The following ADARB2 variants were observed in gnomAD, a reference collection of about 807,000 sequenced individuals.
ADARB2 encodes the protein inactive double-stranded RNA-specific editase B2.
ADARB2 carries 25 observed loss-of-function variants against 62.2 expected under a neutral mutation model. The observed-to-expected ratio is 0.40, with a 90% CI of 0.29 to 0.56. ADARB2 has a LOEUF of 0.56. ADARB2 is among the 20% of genes least tolerant of loss of function. ADARB2 has a pLI of 0.43. For missense variants in ADARB2, 1,071 were observed against 1,077.4 expected, an observed-to-expected ratio of 0.99 and a Z score of 0.08; for synonymous variants, 572 against 500.8, an observed-to-expected ratio of 1.14 and a Z score of -1.90.
chr10:1,712,697 C>T (rs1195476454), intron 1 of ADARB2, among the ~76,000 whole-genome samples: 4 of 143,198 alleles, frequency 2.8e-5, no homozygotes, highest in African/African-American at 1.1e-4. Flanking sequence ...CAAGCTCTGC[C>T]TCCCGGGTTC....
chr10:1,658,631 G>A (rs904390903), intron 1 of ADARB2, among the ~76,000 whole-genome samples: 1 of 152,238 alleles, frequency 6.6e-6, no homozygotes, highest in African/African-American at 2.4e-5. Context: ...CAGCCATACA[G>A]GACAAGCCTC....
chr10:1,213,487 C>A (rs1413706481), intron 7 of ADARB2, among the ~76,000 whole-genome samples: 1 of 152,168 alleles, frequency 6.6e-6, no homozygotes, highest in Non-Finnish European at 1.5e-5. Context: ...TTGCCTGTGC[C>A]CCCACACCTG....
intron 1 of ADARB2, among the ~76,000 whole-genome samples, chr10:1,384,284 G>A (rs1464095817): frequency 1.3e-5 from 2 of 152,222 alleles, no homozygotes; most frequent in Non-Finnish European, 2.9e-5. Flanking sequence ...TTAGCAGAGT[G>A]GGGCACAGTG....
chr10:1,306,200 CT>C, intron 3 of ADARB2, among the ~76,000 whole-genome samples: 1 of 151,608 alleles, frequency 6.6e-6, no homozygotes, highest in East Asian at 2.0e-4. Context: ...TGATAAGCAA[CT>C]TCAGCAAAGT....
chr10:1,274,458 CTTTG>C (rs549823864), intron 3 of ADARB2, among the ~76,000 whole-genome samples: 1 of 151,976 alleles, frequency 6.6e-6, no homozygotes, highest in Non-Finnish European at 1.5e-5. Flanking sequence ...GTGTGTAGCT[CTTTG>C]TTTTTTTTTT....
intron 1 of ADARB2, among the ~76,000 whole-genome samples, chr10:1,557,853 G>GGTGAGCTGAGGTTGCA (rs1832727062): frequency 6.6e-6 from 1 of 151,984 alleles, no homozygotes; most frequent in Admixed American, 6.6e-5. Context: ...CGGAGGTTGC[G>GGTGAGCTGAGGTTGCA]GTGAGCTGAG....
At chr10:1,639,456 C>T (rs1833952438) in intron 1 of ADARB2, among the ~76,000 whole-genome samples, 1 of 152,176 alleles carries the variant, frequency 6.6e-6, no homozygotes, top group African/African-American at 2.4e-5. Context: ...CCTGGCTGGC[C>T]CACAGTACCA....
At chr10:1,481,300 A>C (rs567262801) in intron 1 of ADARB2, among the ~76,000 whole-genome samples, 1 of 152,332 alleles carries the variant, frequency 6.6e-6, no homozygotes, top group South Asian at 2.1e-4. Flanking sequence ...GCAAAAACAA[A>C]CTCAAAATTG....
chr10:1,418,131 T>A (rs1832820729), intron 1 of ADARB2, among the ~76,000 whole-genome samples: 1 of 152,184 alleles, frequency 6.6e-6, no homozygotes, highest in Non-Finnish European at 1.5e-5. Context: ...GACGTTTCCG[T>A]AAACCAAAGG....
At chr10:1,531,345 G>A (rs112430917) in intron 1 of ADARB2, among the ~76,000 whole-genome samples, 25 of 152,300 alleles carry the variant, frequency 1.6e-4, no homozygotes, top group African/African-American at 3.6e-4. Flanking sequence ...GCAGCCCTTC[G>A]CGAGAGGCAT....
At chr10:1,210,062 G>A (rs1837128865) in intron 7 of ADARB2, among the ~76,000 whole-genome samples, 1 of 152,140 alleles carries the variant, frequency 6.6e-6, no homozygotes, top group Non-Finnish European at 1.5e-5. Flanking sequence ...ATATCACTAT[G>A]GGTATTATTG....
intron 3 of ADARB2, among the ~76,000 whole-genome samples, chr10:1,340,038 A>G (rs1216284905): frequency 6.6e-6 from 1 of 152,118 alleles, no homozygotes; most frequent in Non-Finnish European, 1.5e-5. Flanking sequence ...CAGACAGCCT[A>G]GAGCCACGTG....
chr10:1,712,446 C>A (rs1291879616), intron 1 of ADARB2, among the ~76,000 whole-genome samples: 2 of 150,822 alleles, frequency 1.3e-5, no homozygotes, highest in Non-Finnish European at 3.0e-5. Flanking sequence ...TTTTTCTTTG[C>A]GTGCCTTCTG....
At chr10:1,512,478 G>A (rs568723142) in intron 1 of ADARB2, among the ~76,000 whole-genome samples, 5 of 152,308 alleles carry the variant, frequency 3.3e-5, no homozygotes, top group South Asian at 2.1e-4. Context: ...GGTGTTTCAC[G>A]TTGGCCATCT....
chr10:1,606,319 CG>C (rs537869047), intron 1 of ADARB2, among the ~76,000 whole-genome samples: 5 of 151,598 alleles, frequency 3.3e-5, no homozygotes, highest in Admixed American at 1.3e-4. Context: ...GAAACCTGAG[CG>C]GGGGGGAGCA....
intron 1 of ADARB2, among the ~76,000 whole-genome samples, chr10:1,568,199 C>T (rs1051547805): frequency 2.0e-5 from 3 of 152,248 alleles, no homozygotes; most frequent in Admixed American, 2.0e-4. Flanking sequence ...GGAGTTTCAA[C>T]AGAGGCTTGG....
At chr10:1,416,706 A>G (rs915401173) in intron 1 of ADARB2, among the ~76,000 whole-genome samples, 1 of 152,238 alleles carries the variant, frequency 6.6e-6, no homozygotes, top group Admixed American at 6.5e-5. Flanking sequence ...GTCTGGGATG[A>G]TGGCAGTCAA....
intron 3 of ADARB2, among the ~76,000 whole-genome samples, chr10:1,279,516 G>A (rs1159186792): frequency 6.6e-6 from 1 of 152,140 alleles, no homozygotes; most frequent in African/African-American, 2.4e-5. Flanking sequence ...GGGTCTCAAT[G>A]TGTTGCTCAG....
At chr10:1,551,723 C>T (rs1832625608) in intron 1 of ADARB2, among the ~76,000 whole-genome samples, 1 of 152,240 alleles carries the variant, frequency 6.6e-6, no homozygotes, top group African/African-American at 2.4e-5. Flanking sequence ...CCAAAATCCC[C>T]TTCCTGCCCC....
Sources: allele counts gnomAD v4.1 joint callset (sites outside exome capture counted in the v4.1 genomes callset), GRCh38; gene constraint gnomAD v4.1.1; transcripts MANE v1.5; gene names NCBI Gene and HGNC (gene_info 2026-07-23, HGNC 2026-07-21).